Variants in RBPJ observed in about 807,000 individuals in gnomAD.
The protein encoded by RBPJ is recombination signal binding protein for immunoglobulin kappa J region.
A neutral mutation model predicts 67.8 loss-of-function variants in RBPJ; 9 were observed. The observed-to-expected ratio is 0.13, with a 90% confidence interval of 0.08 to 0.23. The LOEUF (loss-of-function observed/expected upper bound fraction) is 0.23. Ranked by LOEUF, RBPJ falls within the 10% of genes least tolerant of loss-of-function variation. The pLI, the probability that RBPJ is intolerant of heterozygous loss-of-function variation, is 1.00. For missense variants in RBPJ, 305 were observed against 595.6 expected (o/e 0.51, Z 5.08); for synonymous variants, 198 against 203.3 (o/e 0.97, Z 0.22).
chr4:26,401,695 G>T (rs1214155498), intron 2 of RBPJ, among the ~76,000 whole-genome samples: 5 of 152,076 alleles, frequency 3.3e-5, no homozygotes, highest in Non-Finnish European at 5.9e-5. Flanking sequence ...CAAACACAAT[G>T]CAGTTACTGC....
chr4:26,345,816 C>T (rs1456480974), intron 1 of RBPJ, among the ~76,000 whole-genome samples: 1 of 152,118 alleles, frequency 6.6e-6, no homozygotes. Flanking sequence ...TACTTTGAGG[C>T]ATTGGTAGGT....
At chr4:26,114,497 A>ATGTGTGTG in the RBPJ span, among the ~76,000 whole-genome samples, 6 of 140,020 alleles carry the variant, frequency 4.3e-5, no homozygotes, top group African/African-American at 1.7e-4. Context: ...ATATATATAT[A>ATGTGTGTG]TGTATGTGTG....
intron 1 of RBPJ, among the ~76,000 whole-genome samples, chr4:26,281,425 C>T (rs2109275319): frequency 6.6e-6 from 1 of 152,140 alleles, no homozygotes; most frequent in Middle Eastern, 3.4e-3. Context: ...ATTACAGGCA[C>T]CCACCACCAC....
chr4:26,145,932 TTTTGTTTG>T, the RBPJ span, among the ~76,000 whole-genome samples: 1 of 152,062 alleles, frequency 6.6e-6, no homozygotes, highest in African/African-American at 2.4e-5. Flanking sequence ...TTGGTCAATT[TTTTGTTTG>T]TTTGTTTGTT....
At chr4:26,165,161 AC>A (rs1244753543) in intron 1 of RBPJ, among the ~76,000 whole-genome samples, 3 of 152,204 alleles carry the variant, frequency 2.0e-5, no homozygotes, top group African/African-American at 7.2e-5. Flanking sequence ...TAATTAGATT[AC>A]TTTATGTCAT....
chr4:26,389,429 A>G lies in RBPJ; in HGVS notation c.59+3038A>G, dbSNP rs1731266789. 2.0e-5 allele frequency among the ~76,000 whole-genome samples: 3 copies of G among 151,314 alleles called. 1 individual carries two copies. In the Admixed American group the frequency reaches 2.0e-4, roughly 10 times the overall value. On this transcript the variant is annotated intron_variant, in intron 2 of 10. Coordinates refer to ENST00000355476, the MANE Select transcript of RBPJ (RefSeq NM_015874.6). ...CAGAGCAAGTGCTTTGAAGTGCTCA[A>G]GGGGGACCTATACTTGTCAACCTAG... is the stretch of plus-strand genomic sequence containing the variant.
At chr4:26,412,567 G>A (rs1034121999) in intron 3 of RBPJ, among the ~76,000 whole-genome samples, 3 of 152,114 alleles carry the variant, frequency 2.0e-5, no homozygotes, top group Admixed American at 2.0e-4. Context: ...CAACCACTAA[G>A]TATAAATGCA....
chr4:26,210,727 C>CTTTCTTTCTTTCCTTCTTTA (rs1718371547), intron 1 of RBPJ, among the ~76,000 whole-genome samples: 2 of 61,774 alleles, frequency 3.2e-5, no homozygotes, highest in Admixed American at 1.8e-4. Flanking sequence ...TTCTTTCTTT[C>CTTTCTTTCTTTCCTTCTTTA]CTTCTTTACT....
At chr4:26,137,643 C>T in the RBPJ span, among the ~76,000 whole-genome samples, 1 of 152,204 alleles carries the variant, frequency 6.6e-6, no homozygotes, top group Non-Finnish European at 1.5e-5. Context: ...CTGTAGTTGA[C>T]ACACAGGTTT....
At chr4:26,111,521 GC>G in the RBPJ span, among the ~76,000 whole-genome samples, 1 of 152,178 alleles carries the variant, frequency 6.6e-6, no homozygotes, top group Non-Finnish European at 1.5e-5. Flanking sequence ...AGCATGTTCT[GC>G]ATGGCTGGCT....
At chr4:26,273,490 G>A (rs1318957266) in intron 1 of RBPJ, among the ~76,000 whole-genome samples, 1 of 152,222 alleles carries the variant, frequency 6.6e-6, no homozygotes, top group Admixed American at 6.5e-5. Context: ...CAGCTAGGAT[G>A]AAGATCTTTC....
rs1215320567 is a variant in RBPJ at position 26,431,956 on chromosome 4, T to A, written c.*949T>A. 1 of 152,256 alleles carries A rather than the reference T, an allele frequency of 6.6e-6. No individual in the cohort carries two copies. Among genetic ancestry groups the A allele is most frequent in the African/African-American group, 2.4e-5 (1 of 41,470 alleles). The allele number at this position is 152,256 out of a possible 1,614,324, so 9.4% of individuals were successfully genotyped here. A position where few individuals can be genotyped will look rare whatever the true frequency, so the allele number is the denominator to read the frequency against. On this transcript the variant is annotated 3_prime_UTR_variant, in exon 11 of 11. Transcript: ENST00000355476. ...CAGAACTTGTTGATATTTGAAGTGTTCTCTCCCCTTTTCCCATGACGTAAA... is the reference window on the plus strand; with the variant it reads ...CAGAACTTGTTGATATTTGAAGTGTACTCTCCCCTTTTCCCATGACGTAAA...
At chr4:26,262,850 G>A (rs1383909471) in intron 1 of RBPJ, among the ~76,000 whole-genome samples, 1 of 152,058 alleles carries the variant, frequency 6.6e-6, no homozygotes. Flanking sequence ...AAACTTGCTT[G>A]TCTTCCAGTA....
chr4:26,293,298 G>T (rs548671774), intron 1 of RBPJ, among the ~76,000 whole-genome samples: 1 of 149,892 alleles, frequency 6.7e-6, no homozygotes, highest in South Asian at 2.1e-4. Flanking sequence ...GGAAGGTGGT[G>T]CCCTCAGCTT....
intron 1 of RBPJ, among the ~76,000 whole-genome samples, chr4:26,207,682 A>T (rs899062093): frequency 6.6e-6 from 1 of 152,132 alleles, no homozygotes; most frequent in African/African-American, 2.4e-5. Context: ...GCCCTTGGGG[A>T]GCTGATGCTC....
chr4:26,165,548 T>C (rs1360453596), intron 1 of RBPJ, among the ~76,000 whole-genome samples: 2 of 152,262 alleles, frequency 1.3e-5, no homozygotes, highest in East Asian at 3.9e-4. Context: ...CTAGGATATA[T>C]AATCTGAATG....
chr4:26,149,512 A>T, the RBPJ span, among the ~76,000 whole-genome samples: 2 of 152,210 alleles, frequency 1.3e-5, no homozygotes. Flanking sequence ...TTGATCCCCA[A>T]TGTGGTGGTA....
At chr4:26,173,981 G>C (rs978845384) in intron 1 of RBPJ, among the ~76,000 whole-genome samples, 1 of 152,194 alleles carries the variant, frequency 6.6e-6, no homozygotes, top group Non-Finnish European at 1.5e-5. Context: ...GCTTTTAAAT[G>C]AACTTTTGGA....
At chr4:26,427,407 A>C (rs990085345) in intron 7 of RBPJ, among the ~76,000 whole-genome samples, 1 of 152,226 alleles carries the variant, frequency 6.6e-6, no homozygotes, top group African/African-American at 2.4e-5. Flanking sequence ...TTAAGTGTAC[A>C]TACAAGTTGA....
Sources: gnomAD v4.1 joint callset for allele counts (sites outside exome capture counted in the v4.1 genomes callset) on GRCh38, gnomAD v4.1.1 for gene constraint, MANE v1.5 for transcripts, NCBI Gene and HGNC (gene_info 2026-07-23, HGNC 2026-07-21) for gene names.